Variants in DLGAP2 observed in about 807,000 individuals in gnomAD.
DLGAP2 encodes disks large-associated protein 2.
In DLGAP2, 26 loss-of-function variants were observed where a neutral mutation model predicts 100.3. The ratio of observed to expected loss-of-function variants is 0.26; its 90% confidence interval spans 0.19 to 0.36. The LOEUF (loss-of-function observed/expected upper bound fraction) is 0.36. Ranked by LOEUF, DLGAP2 falls within the 10% of genes least tolerant of loss-of-function variation. The probability of loss-of-function intolerance (pLI) is 1.00; values close to 1 mark genes in which losing one functional copy is unlikely to be tolerated. For synonymous variants in DLGAP2, 886 were observed against 630.1 expected (o/e 1.41, Z -6.08); for missense variants, 1,858 against 1,453.2 (o/e 1.28, Z -4.53).
At chr8:859,221 C>T (rs562419938) in intron 1 of DLGAP2, among the ~76,000 whole-genome samples, 67 of 152,072 alleles carry the variant, frequency 4.4e-4, no homozygotes, top group Admixed American at 1.0e-3. Context: ...AAGTGATTCT[C>T]CTGCCTCAGC....
intron 8 of DLGAP2, among the ~76,000 whole-genome samples, chr8:1,659,943 G>C (rs1200632072): frequency 6.6e-6 from 1 of 152,142 alleles, no homozygotes; most frequent in East Asian, 1.9e-4. Flanking sequence ...AGTGTCAATG[G>C]TCTTTACAAT....
intron 3 of DLGAP2, among the ~76,000 whole-genome samples, chr8:1,356,997 C>CCCCAAA (rs1563103028): frequency 6.6e-6 from 1 of 150,968 alleles, no homozygotes; most frequent in Non-Finnish European, 1.5e-5. Context: ...GAACACACAG[C>CCCCAAA]GGGGTAGGGC....
At chr8:1,463,838 G>C (rs1050811913) in intron 3 of DLGAP2, among the ~76,000 whole-genome samples, 1 of 152,210 alleles carries the variant, frequency 6.6e-6, no homozygotes, top group East Asian at 1.9e-4. Flanking sequence ...GGTGTGGTTT[G>C]AGCTGATTCA....
chr8:1,616,586 A>C (rs1184143586), intron 6 of DLGAP2, among the ~76,000 whole-genome samples: 1 of 152,232 alleles, frequency 6.6e-6, no homozygotes, highest in Admixed American at 6.5e-5. Context: ...CAATGGAATC[A>C]TACCTTTAAA....
intron 2 of DLGAP2, among the ~76,000 whole-genome samples, chr8:935,570 C>G (rs147384551): frequency 3.9e-5 from 6 of 152,292 alleles, no homozygotes; most frequent in African/African-American, 1.4e-4. Flanking sequence ...TGTGCTCACA[C>G]TGTATTTCTC....
At chr8:1,605,011 T>G (rs568219746) in intron 6 of DLGAP2, among the ~76,000 whole-genome samples, 1 of 152,174 alleles carries the variant, frequency 6.6e-6, no homozygotes, top group East Asian at 1.9e-4. Context: ...AGTCGCTTTG[T>G]TGTTAGAAGC....
At chr8:923,569 G>C (rs536353107) in intron 2 of DLGAP2, among the ~76,000 whole-genome samples, 2 of 151,582 alleles carry the variant, frequency 1.3e-5, no homozygotes, top group Non-Finnish European at 1.5e-5. Context: ...AAGGAAACAG[G>C]GGGTGACGTT....
At chr8:1,340,631 G>A (rs1443834521) in intron 3 of DLGAP2, among the ~76,000 whole-genome samples, 1 of 152,212 alleles carries the variant, frequency 6.6e-6, no homozygotes, top group African/African-American at 2.4e-5. Context: ...CTGTTAGCTG[G>A]GAGTGTAAAG....
chr8:1,281,953 G>A (rs943965597), intron 3 of DLGAP2, among the ~76,000 whole-genome samples: 18 of 150,544 alleles, frequency 1.2e-4, no homozygotes, highest in African/African-American at 3.4e-4. Context: ...CACCAGGGCC[G>A]CAAACCATCT....
intron 4 of DLGAP2, among the ~76,000 whole-genome samples, chr8:1,506,447 T>G (rs1444524017): frequency 1.3e-5 from 2 of 152,198 alleles, no homozygotes; most frequent in Non-Finnish European, 2.9e-5. Context: ...TTCCTTCTGG[T>G]CGGTTTGTGG....
chr8:1,573,287 T>C, intron 6 of DLGAP2, among the ~76,000 whole-genome samples: 1 of 116,882 alleles, frequency 8.6e-6, no homozygotes, highest in South Asian at 3.6e-4. Flanking sequence ...TGTGGGGGTG[T>C]CTGATGAGAT....
intron 8 of DLGAP2, among the ~76,000 whole-genome samples, chr8:1,645,761 G>C (rs1282647293): frequency 6.6e-6 from 1 of 152,134 alleles, no homozygotes; most frequent in African/African-American, 2.4e-5. Flanking sequence ...AAGAGTCATT[G>C]ACATGATTTA....
intron 1 of DLGAP2, among the ~76,000 whole-genome samples, chr8:788,402 G>A (rs184110886): frequency 6.6e-6 from 1 of 152,294 alleles, no homozygotes; most frequent in Admixed American, 6.5e-5. Context: ...TGGCATCCGT[G>A]TCCACGTGGT....
rs866226276 is a variant in DLGAP2, at chr8:1,317,182, T to C, written c.106+58299T>C. 2.0e-3 allele frequency among the ~76,000 whole-genome samples: 185 copies of C among 93,266 alleles called. 1 individual carries two copies. Among genetic ancestry groups the C allele is most frequent in the Admixed American group, 2.2e-3 (16 of 7,386 alleles). 61.2% of individuals were successfully genotyped at this position (93,266 alleles called of 152,430 possible). On this transcript the variant is annotated intron_variant, in intron 3 of 14. Coordinates refer to ENST00000637795, the MANE Select transcript of DLGAP2 (RefSeq NM_001346810.2). ...GGCAGCTTTAAAAATAGAGCGTGTG[T>C]GAGTGCAGCGTCTCTCCAACAGTGG...
intron 2 of DLGAP2, among the ~76,000 whole-genome samples, chr8:1,084,625 G>A (rs1237459460): frequency 6.6e-6 from 1 of 152,124 alleles, no homozygotes; most frequent in Non-Finnish European, 1.5e-5. Context: ...AGAACATTCA[G>A]TATTTGTCTT....
chr8:774,438 A>C lies in DLGAP2; in HGVS notation c.18+36613A>C, dbSNP rs528408920. On this transcript the variant is annotated intron_variant, in intron 1 of 14. Transcript: ENST00000637795. The stretch of plus-strand genomic sequence containing the variant: ...AGTCCTTGCCTATGCCTATGTCCTG[A>C]ATGGCAATGCCTAGGTTTTCTTCTA... Among the ~76,000 whole-genome samples, 151 of 152,302 alleles carry C rather than the reference A, an allele frequency of 9.9e-4. No homozygotes were observed. In the South Asian group the frequency reaches 0.012, roughly 12 times the overall value.
At chr8:1,564,415 C>T (rs898114040) in intron 5 of DLGAP2, among the ~76,000 whole-genome samples, 1 of 152,186 alleles carries the variant, frequency 6.6e-6, no homozygotes, top group Non-Finnish European at 1.5e-5. Context: ...GTAACGCAAA[C>T]ACACAGCAGG....
intron 1 of DLGAP2, among the ~76,000 whole-genome samples, chr8:843,574 G>A (rs1016344747): frequency 3.3e-5 from 5 of 152,218 alleles, no homozygotes; most frequent in African/African-American, 1.2e-4. Flanking sequence ...CCTTGGACAC[G>A]GACGCCACGT....
At chr8:1,003,578 C>A (rs144948838) in intron 2 of DLGAP2, among the ~76,000 whole-genome samples, 1 of 152,346 alleles carries the variant, frequency 6.6e-6, no homozygotes, top group Non-Finnish European at 1.5e-5. Context: ...AGCCACTGTT[C>A]CTGATGGCCA....
Sources: allele counts gnomAD v4.1 joint callset (sites outside exome capture counted in the v4.1 genomes callset), GRCh38; gene constraint gnomAD v4.1.1; transcripts MANE v1.5; gene names NCBI Gene and HGNC (gene_info 2026-07-23, HGNC 2026-07-21).